Variants in RCAN2 observed in about 807,000 individuals in gnomAD.
RCAN2 encodes regulator of calcineurin 2.
RCAN2 carries 9 observed loss-of-function variants against 23.6 expected under a neutral mutation model. The observed-to-expected ratio is 0.38, with a 90% CI of 0.23 to 0.67. The LOEUF is 0.67. RCAN2 is among the 30% of genes least tolerant of loss of function. RCAN2 has a pLI of 0.51. For synonymous variants in RCAN2, 109 were observed against 115.7 expected (o/e 0.94, Z 0.37); for missense variants, 273 against 302.3 (o/e 0.90, Z 0.72).
At chr6:46,321,605 G>A (rs947341440) in intron 2 of RCAN2, among the ~76,000 whole-genome samples, 5 of 152,218 alleles carry the variant, frequency 3.3e-5, no homozygotes, top group Admixed American at 2.0e-4. Flanking sequence ...TAGAGAGAAG[G>A]AACCCACCCT....
At chr6:46,322,945 A>C (rs1763663540) in intron 2 of RCAN2, among the ~76,000 whole-genome samples, 1 of 152,188 alleles carries the variant, frequency 6.6e-6, no homozygotes, top group Admixed American at 6.5e-5. Context: ...GGCCCACCTT[A>C]ATTTGTTCAT....
Position 46,322,007 on chromosome 6 carries a change from A to C in RCAN2, c.226-73111T>G, listed in dbSNP as rs529388364. 2.6e-5 allele frequency among the ~76,000 whole-genome samples: 4 copies of C among 152,332 alleles called. No homozygotes were observed. The South Asian group carries it at 8.3e-4, about 32-fold the overall frequency. Reference sequence around the variant, plus strand: ...CCTATGCCTGGGCTCCATTCAGACCAGCCAGGTAAAAGTTCTGGGGGTGGG... The same window carrying C: ...CCTATGCCTGGGCTCCATTCAGACCCGCCAGGTAAAAGTTCTGGGGGTGGG... On this transcript the variant is annotated intron_variant, in intron 2 of 4. Transcript: ENST00000371374.
chr6:46,405,363 G>T (rs1476180575), intron 2 of RCAN2, among the ~76,000 whole-genome samples: 1 of 152,196 alleles, frequency 6.6e-6, no homozygotes, highest in African/African-American at 2.4e-5. Flanking sequence ...GGTTGCCACT[G>T]CTGGCTTGGG....
chr6:46,288,293 A>C (rs982099977), intron 2 of RCAN2, among the ~76,000 whole-genome samples: 1 of 152,238 alleles, frequency 6.6e-6, no homozygotes, highest in East Asian at 1.9e-4. Context: ...TTTGGAGAGT[A>C]GACCAGCTTT....
At chr6:46,359,807 G>A (rs1384404437) in intron 2 of RCAN2, among the ~76,000 whole-genome samples, 4 of 151,990 alleles carry the variant, frequency 2.6e-5, no homozygotes, top group Admixed American at 6.6e-5. Context: ...ATCATATCTC[G>A]TTTAATTTTC....
At chr6:46,373,247 A>C (rs2150389911) in intron 2 of RCAN2, among the ~76,000 whole-genome samples, 1 of 152,198 alleles carries the variant, frequency 6.6e-6, no homozygotes, top group Non-Finnish European at 1.5e-5. Context: ...TTCTTTTATT[A>C]GGTTAGTATT....
chr6:46,294,702 C>A (rs547074377), intron 2 of RCAN2, among the ~76,000 whole-genome samples: 1 of 152,006 alleles, frequency 6.6e-6, no homozygotes, highest in African/African-American at 2.4e-5. Flanking sequence ...GGAGCATGAT[C>A]CCAATGATGA....
intron 2 of RCAN2, among the ~76,000 whole-genome samples, chr6:46,338,460 AG>A (rs1764208404): frequency 6.6e-6 from 1 of 152,198 alleles, no homozygotes; most frequent in Admixed American, 6.5e-5. Flanking sequence ...AAGCCTGGCT[AG>A]GGTAATCTTA....
At chr6:46,382,043 C>T (rs901261527) in intron 2 of RCAN2, among the ~76,000 whole-genome samples, 9 of 152,150 alleles carry the variant, frequency 5.9e-5, no homozygotes, top group African/African-American at 2.2e-4. Context: ...CCTTCCTTTT[C>T]ATGATTTCCA....
chr6:46,243,981 C>T (rs1254794096), intron 4 of RCAN2, among the ~76,000 whole-genome samples: 4 of 152,068 alleles, frequency 2.6e-5, no homozygotes, highest in Non-Finnish European at 4.4e-5. Context: ...GAGTCAGAAG[C>T]GCCAGGGTTT....
intron 2 of RCAN2, among the ~76,000 whole-genome samples, chr6:46,318,023 G>A (rs1472244430): frequency 6.6e-6 from 1 of 152,200 alleles, no homozygotes; most frequent in Non-Finnish European, 1.5e-5. Flanking sequence ...GTAGTTGGAA[G>A]TTTTAAAATT....
rs1159711124 is a variant in RCAN2 at position 46,221,721 on chromosome 6, G to A, written c.*1420C>T. The A allele has an allele frequency of 7.7e-6, 3 of 388,920 alleles. No homozygotes were observed. In the Admixed American group the frequency reaches 1.3e-4, roughly 17 times the overall value. 24.1% of individuals were successfully genotyped at this position (388,920 alleles called of 1,614,324 possible). A position where few individuals can be genotyped will look rare whatever the true frequency, so the allele number is the denominator to read the frequency against. The stretch of plus-strand genomic sequence containing the variant: ...GTTTGCTGTGTTATTGTTCTTGTGT[G>A]TTTTTCTGAGGCTTGGGTAATGAAA... On this transcript the variant is annotated 3_prime_UTR_variant, in exon 5 of 5. Transcript: ENST00000371374.
intron 2 of RCAN2, among the ~76,000 whole-genome samples, chr6:46,263,561 A>ATGTGTGTGTGTGTGTGTGTGTGTG (rs1561834156): frequency 1.8e-5 from 1 of 56,152 alleles, no homozygotes; most frequent in African/African-American, 4.0e-5. Context: ...GTGTGTGTGT[A>ATGTGTGTGTGTGTGTGTGTGTGTG]TGTGTGTGTG....
chr6:46,277,385 A>G (rs1158659547), intron 2 of RCAN2, among the ~76,000 whole-genome samples: 2 of 152,212 alleles, frequency 1.3e-5, no homozygotes, highest in Non-Finnish European at 2.9e-5. Context: ...CTAAATATTC[A>G]AACTAAGACA....
rs570496617 is a variant in RCAN2 at position 46,333,041 on chromosome 6, C to G, written c.226-84145G>C. 1.2e-4 allele frequency among the ~76,000 whole-genome samples: 18 copies of G among 152,176 alleles called. No homozygotes were observed. The East Asian group carries it at 2.1e-3, about 18-fold the overall frequency. On this transcript the variant is annotated intron_variant, in intron 2 of 4. Transcript: ENST00000371374. Reference sequence around the variant, plus strand: ...TGGTATCTCATTGTGGTTTTGATTTCCATTTCTCTGATGGCCAGTGATGAT... The same window carrying G: ...TGGTATCTCATTGTGGTTTTGATTTGCATTTCTCTGATGGCCAGTGATGAT...
At chr6:46,385,860 CAAAAAAAA>C (rs59568594) in intron 2 of RCAN2, among the ~76,000 whole-genome samples, 5 of 39,650 alleles carry the variant, frequency 1.3e-4, no homozygotes, top group African/African-American at 4.3e-4. Context: ...CTCTCTCTCT[CAAAAAAAA>C]AAAAAAAAAA....
chr6:46,491,200 G>T lies in RCAN2; in HGVS notation c.-30C>A. The T allele has an allele frequency of 6.6e-6, 1 of 151,564 alleles. No homozygotes were observed. The highest frequency in any genetic ancestry group is 1.9e-4 in the South Asian group (1 of 5,304). The allele number at this position is 151,564 out of a possible 1,614,324, so 9.4% of individuals were successfully genotyped here. ...GCTGGGCGTCCGCGATGCGCCGGCG[G>T]AGGCGGAGGCGGAGGCGGCGGCTGG... On this transcript the variant is annotated 5_prime_UTR_variant, in exon 1 of 5. Transcript: ENST00000371374.
intron 4 of RCAN2, among the ~76,000 whole-genome samples, chr6:46,226,804 C>A (rs1443216359): frequency 6.6e-6 from 1 of 152,140 alleles, no homozygotes; most frequent in Non-Finnish European, 1.5e-5. Flanking sequence ...TTGCCCTAGC[C>A]AGAACTTCCA....
intron 2 of RCAN2, among the ~76,000 whole-genome samples, chr6:46,346,052 T>C (rs951028555): frequency 3.3e-5 from 5 of 152,162 alleles, no homozygotes; most frequent in African/African-American, 1.2e-4. Context: ...GAATAACTGC[T>C]GATACAGAAT....
Sources: allele counts gnomAD v4.1 joint callset (sites outside exome capture counted in the v4.1 genomes callset), GRCh38; gene constraint gnomAD v4.1.1; transcripts MANE v1.5; gene names NCBI Gene and HGNC (gene_info 2026-07-23, HGNC 2026-07-21).